USP12: variants seen among roughly 807,000 people sequenced by gnomAD.
The protein encoded by USP12 is ubiquitin specific peptidase 12.
USP12 carries 19 observed loss-of-function variants against 45.5 expected under a neutral mutation model. The observed-to-expected ratio is 0.42, with a 90% CI of 0.29 to 0.61. The LOEUF (loss-of-function observed/expected upper bound fraction) is 0.61. Ranked by LOEUF, USP12 falls within the 20% of genes least tolerant of loss-of-function variation. The probability of loss-of-function intolerance (pLI) is 0.22; values close to 1 mark genes in which losing one functional copy is unlikely to be tolerated. For missense variants in USP12, 242 were observed against 447.7 expected (o/e 0.54, Z 4.15); for synonymous variants, 149 against 148.8 (o/e 1.00, Z -0.01).
intron 3 of USP12, among the ~76,000 whole-genome samples, chr13:27,096,239 A>C (rs1011863777): frequency 6.2e-4 from 95 of 152,376 alleles, no homozygotes; most frequent in African/African-American, 2.2e-3. Flanking sequence ...AAAGTTTATC[A>C]AAAATAAATT....
intron 6 of USP12, among the ~76,000 whole-genome samples, chr13:27,081,588 T>C (rs1252993458): frequency 1.1e-4 from 17 of 152,352 alleles, no homozygotes; most frequent in East Asian, 1.9e-4. Context: ...CCTCCTCCCA[T>C]GAATCACAAA....
chr13:27,102,068 G>A (rs1874891329), intron 3 of USP12, among the ~76,000 whole-genome samples: 1 of 152,218 alleles, frequency 6.6e-6, no homozygotes, highest in South Asian at 2.1e-4. Context: ...AAACAACTAA[G>A]ATGATGACAG....
chr13:27,124,903 C>T (rs905696561), intron 1 of USP12, among the ~76,000 whole-genome samples: 1 of 152,190 alleles, frequency 6.6e-6, no homozygotes, highest in Non-Finnish European at 1.5e-5. Context: ...TATGACAAAA[C>T]ACATTATACA....
chr13:27,104,091 C>G lies in USP12; in HGVS notation c.343+1640G>C, dbSNP rs141554448. Among the ~76,000 whole-genome samples the G allele has an allele frequency of 3.0e-3, 458 of 152,110 alleles. 4 individuals carry two copies. The highest frequency in any genetic ancestry group is 4.2e-3 in the Admixed American group (64 of 15,270). On this transcript the variant is annotated intron_variant, in intron 3 of 8. Transcript: ENST00000282344. Reference sequence around the variant, plus strand: ...CTCTGTTACCCAAGCTGGAGAGTGGCGCAATCAGGGCTCACTGCAGCTTCA... The same window carrying G: ...CTCTGTTACCCAAGCTGGAGAGTGGGGCAATCAGGGCTCACTGCAGCTTCA...
At position 27,152,855 on chromosome 13, in the gene USP12, T is replaced by TG. The variant is rs1433403120; in HGVS notation, c.48+18736dup. On this transcript the variant is annotated intron_variant, in intron 1 of 8. Transcript: ENST00000282344. ...TACTCAGGAGGCTGAGGCAGGACAA[T>TG]GGCGTGAACCTGGGAGGCGGAGCTT... 1.2e-3 allele frequency among the ~76,000 whole-genome samples: 181 copies of TG among 144,902 alleles called. 1 individual carries two copies. Among genetic ancestry groups the TG allele is most frequent in the African/African-American group, 4.4e-3 (171 of 38,444 alleles).
intron 7 of USP12, among the ~76,000 whole-genome samples, chr13:27,072,139 A>C (rs1250775708): frequency 6.6e-6 from 1 of 152,164 alleles, no homozygotes; most frequent in African/African-American, 2.4e-5. Context: ...GACACATCAA[A>C]ACTTTTTCTT....
intron 3 of USP12, among the ~76,000 whole-genome samples, chr13:27,096,432 C>A (rs1037499649): frequency 6.6e-6 from 1 of 152,142 alleles, no homozygotes; most frequent in African/African-American, 2.4e-5. Flanking sequence ...CTTTATAATT[C>A]CACAAAACGT....
chr13:27,103,121 A>G (rs984802776), intron 3 of USP12, among the ~76,000 whole-genome samples: 3 of 152,252 alleles, frequency 2.0e-5, no homozygotes, highest in Admixed American at 6.5e-5. Flanking sequence ...TATGGGGCTA[A>G]TATCTATTGA....
Position 27,066,786 on chromosome 13 carries a change from A to C in USP12, c.*2497T>G, listed in dbSNP as rs1236351298. ...GGCAATCAGCCACCACTTACAACTT[A>C]CACCAGCCCCGCATTTTAATCACAG... On this transcript the variant is annotated 3_prime_UTR_variant, in exon 9 of 9. Coordinates refer to ENST00000282344, the MANE Select transcript of USP12 (RefSeq NM_182488.4). The C allele has an allele frequency of 6.6e-6, 1 of 152,226 alleles. No homozygotes were observed. Among genetic ancestry groups the C allele is most frequent in the Non-Finnish European group, 1.5e-5 (1 of 68,032 alleles). 9.4% of individuals were successfully genotyped at this position (152,226 alleles called of 1,614,324 possible).
chr13:27,151,101 G>T (rs2137831315), intron 1 of USP12, among the ~76,000 whole-genome samples: 1 of 152,186 alleles, frequency 6.6e-6, no homozygotes, highest in East Asian at 1.9e-4. Context: ...GGCCGAGGTG[G>T]GCAGATCACT....
At chr13:27,082,115 G>A (rs1010803896) in intron 6 of USP12, among the ~76,000 whole-genome samples, 6 of 152,158 alleles carry the variant, frequency 3.9e-5, no homozygotes, top group Non-Finnish European at 5.9e-5. Flanking sequence ...GAAGCTGGGC[G>A]CTCACTTCTC....
chr13:27,103,607 A>AATAATAAT (rs1555234499), intron 3 of USP12, among the ~76,000 whole-genome samples: 32,474 of 128,416 alleles, frequency 0.25, 4,478 homozygotes, highest in Admixed American at 0.31. Context: ...TCAAAAAAAA[A>AATAATAAT]AATAATAATA....
chr13:27,077,291 AT>A (rs1349856119), intron 6 of USP12: 2 of 152,206 alleles, frequency 1.3e-5, no homozygotes, highest in Non-Finnish European at 2.9e-5. Flanking sequence ...TCCTTTGAGA[AT>A]TTCCAATGGA....
intron 1 of USP12, among the ~76,000 whole-genome samples, chr13:27,152,245 GAACA>G (rs1593210897): frequency 6.6e-6 from 1 of 152,156 alleles, no homozygotes. Context: ...GTCCATCAAC[GAACA>G]AATAAACAAA....
chr13:27,135,711 T>A (rs1294079617), intron 1 of USP12, among the ~76,000 whole-genome samples: 1 of 151,902 alleles, frequency 6.6e-6, no homozygotes, highest in Non-Finnish European at 1.5e-5. Flanking sequence ...TGAGACTCTG[T>A]CTCAAAAAAA....
chr13:27,110,278 T>C (rs1875373431), intron 2 of USP12, among the ~76,000 whole-genome samples: 1 of 152,214 alleles, frequency 6.6e-6, no homozygotes, highest in Non-Finnish European at 1.5e-5. Flanking sequence ...GTAAATTGTA[T>C]AATCATGTCA....
chr13:27,122,691 ATT>A (rs1876051193), intron 1 of USP12, among the ~76,000 whole-genome samples: 1 of 151,882 alleles, frequency 6.6e-6, no homozygotes, highest in Non-Finnish European at 1.5e-5. Context: ...AAGTAAAAAA[ATT>A]TTAATGGGTG....
At chr13:27,087,666 G>C (rs143137464) in intron 6 of USP12, among the ~76,000 whole-genome samples, 1 of 152,210 alleles carries the variant, frequency 6.6e-6, no homozygotes, top group African/African-American at 2.4e-5. Flanking sequence ...AGAAACCAGG[G>C]CTCCTTGGAG....
intron 6 of USP12, among the ~76,000 whole-genome samples, chr13:27,079,025 T>C (rs1345463264): frequency 1.3e-5 from 2 of 151,120 alleles, no homozygotes; most frequent in South Asian, 2.1e-4. Context: ...CCCCCAGATA[T>C]GGAAACTAAG....
Sources: allele counts gnomAD v4.1 joint callset (sites outside exome capture counted in the v4.1 genomes callset), GRCh38; gene constraint gnomAD v4.1.1; transcripts MANE v1.5; gene names NCBI Gene and HGNC (gene_info 2026-07-23, HGNC 2026-07-21).